The following ABCC1 variants were observed in gnomAD, a reference collection of about 807,000 sequenced individuals.
ABCC1 encodes ATP binding cassette subfamily C member 1 (ABCC1 blood group), also known as multidrug resistance-associated protein 1.
In ABCC1, 83 loss-of-function variants were observed where a neutral mutation model predicts 172.9. The ratio of observed to expected loss-of-function variants is 0.48; its 90% CI spans 0.40 to 0.58. The LOEUF is 0.58. Among genes scored for constraint, ABCC1 ranks in the 20% least tolerant of loss-of-function variants. The probability of loss-of-function intolerance (pLI) is 0.00; values close to 1 mark genes in which losing one functional copy is unlikely to be tolerated. For synonymous variants in ABCC1, 937 were observed against 825.2 expected (o/e 1.14, Z -2.32); for missense variants, 1,817 against 2,002.7 (o/e 0.91, Z 1.77).
intron 18 of ABCC1, among the ~76,000 whole-genome samples, chr16:16,089,772 GA>G (rs2051164894): frequency 1.4e-5 from 2 of 147,362 alleles, no homozygotes; most frequent in Admixed American, 1.4e-4. Context: ...AGCTACGCGG[GA>G]GGGAGGCTGA....
intron 9 of ABCC1, among the ~76,000 whole-genome samples, chr16:16,046,542 G>A (rs1041078212): frequency 1.3e-5 from 2 of 151,882 alleles, no homozygotes; most frequent in African/African-American, 2.4e-5. Context: ...ACAGGGTTTC[G>A]CCATGTTGGC....
chr16:16,102,532 T>C lies in ABCC1; in HGVS notation c.2645-95T>C, dbSNP rs2051808990. 2.7e-6 allele frequency: 3 copies of C among 1,107,156 alleles called. No homozygotes were observed. The African/African-American group carries it at 4.7e-5, about 17-fold the overall frequency. 68.6% of individuals were successfully genotyped at this position (1,107,156 alleles called of 1,614,324 possible). A position where few individuals can be genotyped will look rare whatever the true frequency, so the allele number is the denominator to read the frequency against. ...ATCATCCTGGCGGCCAGGTGCTCTG[T>C]GGTCTCCTCACTGAAGTGGCCGGTT... On this transcript the variant is annotated intron_variant, in intron 19 of 30. Coordinates refer to ENST00000399410, the MANE Select transcript of ABCC1 (RefSeq NM_004996.4).
chr16:16,132,510 G>GTTTGTTTT (rs2045735792), intron 27 of ABCC1, among the ~76,000 whole-genome samples: 1 of 37,298 alleles, frequency 2.7e-5, no homozygotes, highest in Non-Finnish European at 5.0e-5. Context: ...TTGGTTGGTT[G>GTTTGTTTT]TTTTTTTTTT....
Position 16,007,986 on chromosome 16 carries a change from C to A in ABCC1, c.219C>A (p.Thr73=). The A allele has an allele frequency of 6.4e-7, 1 of 1,567,646 alleles. No homozygotes were observed. Residue 73 remains threonine, a synonymous_variant, in exon 2 of 31, where the codon ACC becomes ACA. Transcript: ENST00000399410. ...TTCAGATGACACCTCTCAACAAAAC[C>A]AAAACTGTAAGTCACTGGGGGGTTT... The part of the protein sequence containing the change: ...GYIQMTPLNK[T]KTALGFLLWI...
At chr16:15,956,376 A>AC (rs878961018) in intron 1 of ABCC1, among the ~76,000 whole-genome samples, 92 of 150,920 alleles carry the variant, frequency 6.1e-4, no homozygotes, top group East Asian at 7.8e-4. Context: ...AAAAAAAAAA[A>AC]CACAATAAAG....
At chr16:15,994,373 C>T (rs2046979802) in intron 1 of ABCC1, among the ~76,000 whole-genome samples, 1 of 152,162 alleles carries the variant, frequency 6.6e-6, no homozygotes, top group Non-Finnish European at 1.5e-5. Flanking sequence ...TACATAAACT[C>T]TCTGGACCTC....
chr16:16,066,625 A>G (rs927834159), intron 12 of ABCC1, among the ~76,000 whole-genome samples: 6 of 151,722 alleles, frequency 4.0e-5, no homozygotes, highest in Admixed American at 3.3e-4. Context: ...TGGGCTGGGC[A>G]TGGTGGCTCA....
At chr16:16,124,343 GT>G (rs2045320444) in intron 24 of ABCC1, among the ~76,000 whole-genome samples, 2 of 129,928 alleles carry the variant, frequency 1.5e-5, no homozygotes, top group South Asian at 2.5e-4. Context: ...GTGTGTGTGT[GT>G]GTGTGATTAT....
At chr16:15,992,153 G>A (rs1300609083) in intron 1 of ABCC1, among the ~76,000 whole-genome samples, 2 of 151,740 alleles carry the variant, frequency 1.3e-5, no homozygotes, top group African/African-American at 4.8e-5. Context: ...TTTTGAGAAT[G>A]CAATGCCTGA....
chr16:16,056,089 A>C lies in ABCC1; in HGVS notation c.1474-3A>C. On this transcript the variant is annotated splice_polypyrimidine_tract_variant and splice_region_variant and intron_variant, in intron 11 of 30. Coordinates refer to ENST00000399410, the MANE Select transcript of ABCC1 (RefSeq NM_004996.4). ...GATGTGTTGACTGCCCGTCTCTTCC[A>C]AGGTGGCCCACATGAAGAGCAAAGA... 1 of 1,614,072 alleles carries C rather than the reference A, an allele frequency of 6.2e-7. No individual in the cohort carries two copies. Among genetic ancestry groups the C allele is most frequent in the Non-Finnish European group, 8.5e-7 (1 of 1,179,910 alleles).
At chr16:16,041,240 CATTT>C (rs1348780778) in intron 7 of ABCC1, among the ~76,000 whole-genome samples, 1 of 152,064 alleles carries the variant, frequency 6.6e-6, no homozygotes, top group African/African-American at 2.4e-5. Flanking sequence ...CTGGAGCCTC[CATTT>C]TTCACCCAGA....
chr16:16,117,897 C>T (rs2152103744), intron 23 of ABCC1, among the ~76,000 whole-genome samples: 1 of 152,200 alleles, frequency 6.6e-6, no homozygotes, highest in Non-Finnish European at 1.5e-5. Flanking sequence ...CAGAGTGATA[C>T]TCTGTCTAAA....
At chr16:15,952,526 C>T (rs1363210004) in intron 1 of ABCC1, among the ~76,000 whole-genome samples, 1 of 151,964 alleles carries the variant, frequency 6.6e-6, no homozygotes, top group Admixed American at 6.6e-5. Context: ...TTGACCTTTA[C>T]TCAGACAGAT....
At chr16:15,993,032 C>T (rs1480597040) in intron 1 of ABCC1, among the ~76,000 whole-genome samples, 1 of 152,206 alleles carries the variant, frequency 6.6e-6, no homozygotes, top group Non-Finnish European at 1.5e-5. Flanking sequence ...CACTCTGGTG[C>T]TTCCTGTCCT....
rs2151475636 is a variant in ABCC1 at position 15,953,169 on chromosome 16, C to T, written c.48+3370C>T. ...TGACCAACATGGCAAAACCCCATCC[C>T]TACTAAAAATACAAAAATTAGCTGG... On this transcript the variant is annotated intron_variant, in intron 1 of 30. Transcript: ENST00000399410. 1.3e-5 allele frequency among the ~76,000 whole-genome samples: 2 copies of T among 152,032 alleles called. 1 individual carries two copies. The highest frequency in any genetic ancestry group is 4.2e-4 in the South Asian group (2 of 4,818).
At chr16:16,056,501 T>C in intron 12 of ABCC1, 1 of 595,204 alleles carries the variant, frequency 1.7e-6, no homozygotes, top group South Asian at 2.0e-5. Flanking sequence ...ACCCAGTCTC[T>C]ACTAAAAATA....
chr16:16,053,340 A>G (rs45561132), intron 11 of ABCC1, among the ~76,000 whole-genome samples: 3 of 152,090 alleles, frequency 2.0e-5, no homozygotes, highest in Admixed American at 6.6e-5. Context: ...GCTGGTCTCA[A>G]ACTCCTGGGC....
At chr16:15,950,580 C>T (rs962124031) in intron 1 of ABCC1, among the ~76,000 whole-genome samples, 6 of 152,186 alleles carry the variant, frequency 3.9e-5, no homozygotes, top group Non-Finnish European at 8.8e-5. Context: ...TGTAACGTGG[C>T]CTGCGGAGCC....
intron 5 of ABCC1, among the ~76,000 whole-genome samples, chr16:16,026,131 CA>C: frequency 6.6e-6 from 1 of 152,184 alleles, no homozygotes; most frequent in South Asian, 2.1e-4. Flanking sequence ...CCTTCCACGT[CA>C]GATAGAGGCT....
Sources: gnomAD v4.1 joint callset for allele counts (sites outside exome capture counted in the v4.1 genomes callset) on GRCh38, gnomAD v4.1.1 for gene constraint, MANE v1.5 for transcripts, NCBI Gene and HGNC (gene_info 2026-07-23, HGNC 2026-07-21) for gene names.